DPYSL3: variants seen among roughly 807,000 people sequenced by gnomAD.
DPYSL3 encodes the protein dihydropyrimidinase-related protein 3.
DPYSL3 carries 16 observed loss-of-function variants against 66.1 expected under a neutral mutation model. The observed-to-expected ratio is 0.24, with a 90% confidence interval of 0.16 to 0.37. The LOEUF is 0.37. Among genes scored for constraint, DPYSL3 ranks in the 10% least tolerant of loss-of-function variants. The pLI is 1.00. For missense variants in DPYSL3, 738 were observed against 916.2 expected (o/e 0.81, Z 2.51); for synonymous variants, 338 against 345.1 (o/e 0.98, Z 0.23).
At chr5:147,447,712 A>C (rs553892466) in intron 1 of DPYSL3, among the ~76,000 whole-genome samples, 2 of 152,246 alleles carry the variant, frequency 1.3e-5, no homozygotes, top group Non-Finnish European at 2.9e-5. Context: ...CTCTACTAAA[A>C]ATACAAAATC....
chr5:147,430,095 G>T (rs1752279202), intron 1 of DPYSL3, among the ~76,000 whole-genome samples: 2 of 151,576 alleles, frequency 1.3e-5, no homozygotes, highest in Admixed American at 6.6e-5. Flanking sequence ...GAAAGAGAGA[G>T]GAACAAAGAA....
intron 2 of DPYSL3, among the ~76,000 whole-genome samples, chr5:147,422,811 A>G (rs1469655356): frequency 1.3e-5 from 2 of 151,848 alleles, no homozygotes; most frequent in Non-Finnish European, 2.9e-5. Context: ...CAATGAGAAC[A>G]TATGGGCACG....
intron 8 of DPYSL3, among the ~76,000 whole-genome samples, chr5:147,402,796 G>T (rs1285564291): frequency 6.6e-6 from 1 of 152,118 alleles, no homozygotes; most frequent in Admixed American, 6.5e-5. Context: ...ATGGAGAGGG[G>T]ATAAAGGCTA....
chr5:147,473,048 T>A (rs927371046), intron 1 of DPYSL3: 1 of 152,202 alleles, frequency 6.6e-6, no homozygotes, highest in Admixed American at 6.5e-5. Flanking sequence ...TTTTCTTTTG[T>A]TTTCTTTTTT....
intron 1 of DPYSL3, among the ~76,000 whole-genome samples, chr5:147,504,179 G>C (rs1276956986): frequency 6.6e-6 from 1 of 152,180 alleles, no homozygotes; most frequent in Non-Finnish European, 1.5e-5. Flanking sequence ...TCAGCTGTAA[G>C]AGTCACTGAC....
At chr5:147,506,058 G>A (rs1470018362) in intron 1 of DPYSL3, among the ~76,000 whole-genome samples, 1 of 152,136 alleles carries the variant, frequency 6.6e-6, no homozygotes, top group Non-Finnish European at 1.5e-5. Flanking sequence ...TTTCTGTGAG[G>A]AAACGACCTT....
chr5:147,487,914 C>G lies in DPYSL3; in HGVS notation c.381+21564G>C, dbSNP rs142462720. On this transcript the variant is annotated intron_variant, in intron 1 of 13. Coordinates refer to ENST00000343218, the MANE Select transcript of DPYSL3 (RefSeq NM_001197294.2). ...CTCACTAAAAAGTTCCCTTAGTGCA[C>G]TACGATGGTCTGGCTTCCTGACACT... 1.6e-3 allele frequency among the ~76,000 whole-genome samples: 238 copies of G among 152,270 alleles called. 2 individuals are homozygous for G. Among genetic ancestry groups the G allele is most frequent in the African/African-American group, 5.4e-3 (223 of 41,546 alleles).
chr5:147,498,418 T>C (rs1162560925), intron 1 of DPYSL3, among the ~76,000 whole-genome samples: 1 of 152,246 alleles, frequency 6.6e-6, no homozygotes, highest in Non-Finnish European at 1.5e-5. Context: ...TGTGTCTTTA[T>C]AATACAATTA....
At chr5:147,433,824 G>C (rs992464553) in intron 1 of DPYSL3, among the ~76,000 whole-genome samples, 1 of 152,150 alleles carries the variant, frequency 6.6e-6, no homozygotes, top group South Asian at 2.1e-4. Flanking sequence ...ACGAGGTCAG[G>C]AGATCGAGAC....
intron 1 of DPYSL3, among the ~76,000 whole-genome samples, chr5:147,446,060 G>A (rs1204707475): frequency 6.6e-6 from 1 of 152,136 alleles, no homozygotes; most frequent in Admixed American, 6.5e-5. Context: ...AGCCAACAAT[G>A]GTCGCTCTCA....
At position 147,509,426 on chromosome 5, in the gene DPYSL3, G is replaced by A; in HGVS notation, c.381+52C>T. The A allele has an allele frequency of 6.8e-7, 1 of 1,460,630 alleles. No homozygotes were observed. The highest frequency in any genetic ancestry group is 2.5e-5 in the East Asian group (1 of 40,192). The allele number at this position is 1,460,630 out of a possible 1,614,324, so 90.5% of individuals were successfully genotyped here. On this transcript the variant is annotated intron_variant, in intron 1 of 13. Coordinates refer to ENST00000343218, the MANE Select transcript of DPYSL3 (RefSeq NM_001197294.2). This position sits in a 1 kb window ranked among gnomAD's most constrained non-coding sequence, Gnocchi z 5.3. The stretch of plus-strand genomic sequence containing the variant: ...GTTGTGCCCGGGCCATGGCGGCCAG[G>A]GCTGGAGAAAGGAACGAAGGCAAGG...
At chr5:147,408,662 T>C in intron 7 of DPYSL3, 66 bp downstream of exon 7, 1 of 1,553,534 alleles carries the variant, frequency 6.4e-7, no homozygotes, top group Non-Finnish European at 8.9e-7. Flanking sequence ...GGTACTCACA[T>C]TCTCGTCGCC....
At position 147,471,132 on chromosome 5, in the gene DPYSL3, A is replaced by T. The variant is rs539783034; in HGVS notation, c.381+38346T>A. 2.4e-4 allele frequency among the ~76,000 whole-genome samples: 37 copies of T among 152,202 alleles called. 1 individual carries two copies. Among genetic ancestry groups the T allele is most frequent in the African/African-American group, 6.5e-4 (27 of 41,528 alleles). On this transcript the variant is annotated intron_variant, in intron 1 of 13. Coordinates refer to ENST00000343218, the MANE Select transcript of DPYSL3 (RefSeq NM_001197294.2). ...CATGCATACATACATACATAAAGAA[A>T]CTCAAACCAAAGGCAAACTGTTGAA...
At chr5:147,422,859 G>T (rs925782675) in intron 2 of DPYSL3, among the ~76,000 whole-genome samples, 1 of 152,028 alleles carries the variant, frequency 6.6e-6, no homozygotes, top group East Asian at 1.9e-4. Flanking sequence ...TGTTGGGGGT[G>T]GGGGAAAGGG....
At chr5:147,462,239 T>C (rs1356256970) in intron 1 of DPYSL3, among the ~76,000 whole-genome samples, 2 of 152,132 alleles carry the variant, frequency 1.3e-5, no homozygotes, top group African/African-American at 4.8e-5. Context: ...CAAAAGCAGA[T>C]TGCACACACT....
At chr5:147,507,185 T>C (rs1753694486) in intron 1 of DPYSL3, among the ~76,000 whole-genome samples, 1 of 152,164 alleles carries the variant, frequency 6.6e-6, no homozygotes, top group Admixed American at 6.5e-5. Context: ...TGTTTGTTAC[T>C]ATGGCATCAC....
At chr5:147,500,623 A>G (rs1753592708) in intron 1 of DPYSL3, among the ~76,000 whole-genome samples, 1 of 152,042 alleles carries the variant, frequency 6.6e-6, no homozygotes, top group Non-Finnish European at 1.5e-5. Context: ...CAAAAAAAAA[A>G]AAAAAAACTC....
chr5:147,489,512 T>C (rs1753383792), intron 1 of DPYSL3, among the ~76,000 whole-genome samples: 1 of 152,188 alleles, frequency 6.6e-6, no homozygotes, highest in Non-Finnish European at 1.5e-5. Flanking sequence ...GCCTATTTTG[T>C]AGAGTTGTCA....
At chr5:147,418,394 T>C in intron 3 of DPYSL3, 53 bp downstream of exon 3, 1 of 1,499,438 alleles carries the variant, frequency 6.7e-7, no homozygotes, top group Non-Finnish European at 9.0e-7. Flanking sequence ...GATAACACAT[T>C]CATTAAACAC....
Sources: allele counts gnomAD v4.1 joint callset (sites outside exome capture counted in the v4.1 genomes callset), GRCh38; gene constraint gnomAD v4.1.1; non-coding constraint Gnocchi (gnomAD v3.1); transcripts MANE v1.5; gene names NCBI Gene and HGNC (gene_info 2026-07-23, HGNC 2026-07-21).